The following POLR3D variants were observed in gnomAD, a reference collection of about 807,000 sequenced individuals.
POLR3D encodes the protein DNA-directed RNA polymerase III subunit RPC4.
In POLR3D, 42 loss-of-function variants were observed where a neutral mutation model predicts 44.5. The ratio of observed to expected loss-of-function variants is 0.94; its 90% CI spans 0.74 to 1.22. POLR3D has a LOEUF of 1.22. Ranked by LOEUF, POLR3D falls within the 50% of genes most tolerant of loss-of-function variation. The pLI, the probability that POLR3D is intolerant of heterozygous loss-of-function variation, is 0.00. For missense variants in POLR3D, 507 were observed against 505.2 expected (o/e 1.00, Z -0.03); for synonymous variants, 217 against 198.1 (o/e 1.10, Z -0.80).
intron 2 of POLR3D, among the ~76,000 whole-genome samples, chr8:22,246,571 G>A (rs578181724): frequency 1.8e-4 from 28 of 152,038 alleles, no homozygotes; most frequent in African/African-American, 6.8e-4. Context: ...TCAGCCTCCC[G>A]AGTAGCTGGG....
intron 7 of POLR3D, 48 bp downstream of exon 7, chr8:22,249,357 G>A (rs1398239671): frequency 1.3e-6 from 2 of 1,595,542 alleles, no homozygotes; most frequent in East Asian, 2.2e-5. Context: ...GACTGGGACG[G>A]GAAGTGGTGA....
At position 22,251,525 on chromosome 8, in the gene POLR3D, A is replaced by T. The variant is rs1051498873; in HGVS notation, c.*1007A>T. 6.5e-6 allele frequency: 1 copy of T among 153,746 alleles called. No homozygotes were observed. Among genetic ancestry groups the T allele is most frequent in the South Asian group, 2.1e-4 (1 of 4,830 alleles). 9.5% of individuals were successfully genotyped at this position (153,746 alleles called of 1,614,324 possible). ...TGAGCCGAAGTCATATATTGCTAACAAAAAAACTAAATCCTTCATAAGAGA... is the reference window on the plus strand; with the variant it reads ...TGAGCCGAAGTCATATATTGCTAACTAAAAAACTAAATCCTTCATAAGAGA... On this transcript the variant is annotated 3_prime_UTR_variant, in exon 9 of 9. Coordinates refer to ENST00000306433, the MANE Select transcript of POLR3D (RefSeq NM_001722.3).
Position 22,252,834 on chromosome 8 carries a change from T to G in POLR3D, c.*2316T>G, listed in dbSNP as rs534588804. ...CTAACTACATGTTTAAGTGGCAGAG[T>G]CCAGGCTGTCGAGTCACGGTTGGGT... On this transcript the variant is annotated 3_prime_UTR_variant, in exon 9 of 9. Coordinates refer to ENST00000306433, the MANE Select transcript of POLR3D (RefSeq NM_001722.3). 2 of 152,284 alleles carry G rather than the reference T, an allele frequency of 1.3e-5. No individual in the cohort carries two copies. Among genetic ancestry groups the G allele is most frequent in the Non-Finnish European group, 2.9e-5 (2 of 68,026 alleles). 9.4% of individuals were successfully genotyped at this position (152,284 alleles called of 1,614,324 possible). A position where few individuals can be genotyped will look rare whatever the true frequency, so the allele number is the denominator to read the frequency against.
At position 22,247,242 on chromosome 8, in the gene POLR3D, A is replaced by G; in HGVS notation, c.187A>G (p.Ile63Val). The part of the protein sequence containing the change: ...VKKKTFTPNI[I>V]SRKIKEEPKE... ...TCAGAAAACCTTCACCCCAAATATC[A>G]TCAGTCGGAAGATCAAGGAAGAGTA... The change falls in exon 3 of 9, where the codon ATC becomes GTC. Residue 63 changes from isoleucine (I) to valine (V), a missense_variant. By Grantham distance (29) the Ile-to-Val change is conservative. Coordinates refer to ENST00000306433, the MANE Select transcript of POLR3D (RefSeq NM_001722.3). 6.2e-7 allele frequency: 1 copy of G among 1,613,542 alleles called. No homozygotes were observed. The highest frequency in any genetic ancestry group is 8.5e-7 in the Non-Finnish European group (1 of 1,179,484).
chr8:22,252,441 T>A lies in POLR3D; in HGVS notation c.*1923T>A, dbSNP rs1830112743. On this transcript the variant is annotated 3_prime_UTR_variant, in exon 9 of 9. Transcript: ENST00000306433. ...AGATATTGGGTATTTTTCAATCTTC[T>A]GTTTTCTGACCCTTCCAAGAAAGTT... 6.6e-6 allele frequency: 1 copy of A among 152,340 alleles called. No individual in the cohort carries two copies. Among genetic ancestry groups the A allele is most frequent in the South Asian group, 2.1e-4 (1 of 4,830 alleles). 9.4% of individuals were successfully genotyped at this position (152,340 alleles called of 1,614,324 possible). A position where few individuals can be genotyped will look rare whatever the true frequency, so the allele number is the denominator to read the frequency against.
chr8:22,245,487 C>T lies in POLR3D; in HGVS notation c.38C>T (p.Pro13Leu), dbSNP rs1830029518. 3.1e-6 allele frequency: 4 copies of T among 1,306,322 alleles called. No individual in the cohort carries two copies. Among genetic ancestry groups the T allele is most frequent in the African/African-American group, 1.5e-5 (1 of 66,220 alleles). The allele number at this position is 1,306,322 out of a possible 1,614,324, so 80.9% of individuals were successfully genotyped here. A position where few individuals can be genotyped will look rare whatever the true frequency, so the allele number is the denominator to read the frequency against. Residue 13 changes from proline to leucine, a missense_variant, in exon 2 of 9, where the codon CCG becomes CTG. Physicochemically the swap from Pro to Leu is moderately conservative, Grantham distance 98. Coordinates refer to ENST00000306433, the MANE Select transcript of POLR3D (RefSeq NM_001722.3). ...AACGCCGCCGGCGAGCCCAGCACGC[C>T]GGGAGGGCCCCGACCTCTCCTGACT... ...EGNAAGEPST[P>L]GGPRPLLTGA...
chr8:22,247,144 C>G (rs1830051901), intron 2 of POLR3D, 77 bp from the exon 3 acceptor site: 2 of 1,139,358 alleles, frequency 1.8e-6, no homozygotes, highest in Admixed American at 3.7e-5. Flanking sequence ...AGAAGATGCC[C>G]TTTGGGAATT....
Position 22,250,622 on chromosome 8 carries a change from C to T in POLR3D, c.*104C>T. The T allele has an allele frequency of 7.1e-7, 1 of 1,408,554 alleles. No homozygotes were observed. Among genetic ancestry groups the T allele is most frequent in the South Asian group, 1.2e-5 (1 of 80,278 alleles). The allele number at this position is 1,408,554 out of a possible 1,614,324, so 87.3% of individuals were successfully genotyped here. ...ACCCAGAAGGGGCCCACTGAGCCCA[C>T]TCACTCCAGCCTTTGGCAACCATTG... On this transcript the variant is annotated 3_prime_UTR_variant, in exon 9 of 9. Coordinates refer to ENST00000306433, the MANE Select transcript of POLR3D (RefSeq NM_001722.3).
rs1347585039 is a variant in POLR3D, at chr8:22,254,214, G to C, written c.*3696G>C. 1 of 152,108 alleles carries C rather than the reference G, an allele frequency of 6.6e-6. No homozygotes were observed. Among genetic ancestry groups the C allele is most frequent in the Non-Finnish European group, 1.5e-5 (1 of 68,024 alleles). 9.4% of individuals were successfully genotyped at this position (152,108 alleles called of 1,614,324 possible). On this transcript the variant is annotated 3_prime_UTR_variant, in exon 9 of 9. Coordinates refer to ENST00000306433, the MANE Select transcript of POLR3D (RefSeq NM_001722.3). The stretch of plus-strand genomic sequence containing the variant: ...ATTTGATTTTCTGTTTCCGAGGTTA[G>C]GATAATTACCTCAAGCTCCATCCAT...
intron 6 of POLR3D, 128 bp from the exon 7 acceptor site, chr8:22,248,916 A>T: frequency 9.3e-7 from 1 of 1,076,436 alleles, no homozygotes. Context: ...GCCCCTCTGT[A>T]TAACTGGTGC....
At chr8:22,247,177 G>A (rs939642260) in intron 2 of POLR3D, 44 bp from the exon 3 acceptor site, 14 of 1,492,142 alleles carry the variant, frequency 9.4e-6, no homozygotes, top group Non-Finnish European at 1.3e-5. Flanking sequence ...TGTACTTTGG[G>A]GTCAGAACCT....
rs1830111029 is a variant in POLR3D at position 22,252,205 on chromosome 8, G to C, written c.*1687G>C. ...TGGGCTCTTCTCACTGTAGAGGACT[G>C]GAGCAGAAAGGGTTCCTTGGAAACC... On this transcript the variant is annotated 3_prime_UTR_variant, in exon 9 of 9. Transcript: ENST00000306433. 1 of 153,788 alleles carries C rather than the reference G, an allele frequency of 6.5e-6. No homozygotes were observed. The highest frequency in any genetic ancestry group is 1.5e-5 in the Non-Finnish European group (1 of 68,058). The allele number at this position is 153,788 out of a possible 1,614,324, so 9.5% of individuals were successfully genotyped here.
At chr8:22,246,856 G>T (rs1340859415) in intron 2 of POLR3D, among the ~76,000 whole-genome samples, 1 of 152,234 alleles carries the variant, frequency 6.6e-6, no homozygotes, top group Non-Finnish European at 1.5e-5. Flanking sequence ...AGGCCTTGCT[G>T]CTAGAGCTGT....
At position 22,253,814 on chromosome 8, in the gene POLR3D, T is replaced by A. The variant is rs1160177723; in HGVS notation, c.*3296T>A. The A allele has an allele frequency of 6.6e-6, 1 of 152,234 alleles. No homozygotes were observed. Among genetic ancestry groups the A allele is most frequent in the Non-Finnish European group, 1.5e-5 (1 of 68,072 alleles). 9.4% of individuals were successfully genotyped at this position (152,234 alleles called of 1,614,324 possible). The stretch of plus-strand genomic sequence containing the variant: ...CCTCAGCCCCCCAGATAGCTGGGAT[T>A]ACAGGCACATGCCACCACACCTGGC... On this transcript the variant is annotated 3_prime_UTR_variant, in exon 9 of 9. Coordinates refer to ENST00000306433, the MANE Select transcript of POLR3D (RefSeq NM_001722.3).
intron 3 of POLR3D, 68 bp from the exon 4 acceptor site, chr8:22,247,789 G>C: frequency 6.7e-7 from 1 of 1,491,482 alleles, no homozygotes; most frequent in Middle Eastern, 1.9e-4. Flanking sequence ...AAGTGGTATG[G>C]GAGAGTAAGG....
intron 1 of POLR3D, 96 bp downstream of exon 1, chr8:22,245,279 G>A (rs1189877613): frequency 7.2e-6 from 4 of 557,020 alleles, no homozygotes; most frequent in Non-Finnish European, 1.3e-5. Flanking sequence ...GCGAGCCAAA[G>A]GCTCTCACCT....
Position 22,250,056 on chromosome 8 carries a change from C to T in POLR3D, c.922-19C>T, listed in dbSNP as rs1830087330. On this transcript the variant is annotated intron_variant, in intron 7 of 8. Transcript: ENST00000306433. ...AAAGAGCTCCTAGCCCAGTGTCCAT[C>T]CTCTGGTTTTCTCCGCAGGAAGCCA... The T allele has an allele frequency of 1.2e-6, 2 of 1,613,610 alleles. No homozygotes were observed. The highest frequency in any genetic ancestry group is 8.5e-7 in the Non-Finnish European group (1 of 1,179,702).
chr8:22,249,317 C>A lies in POLR3D; in HGVS notation c.921+8C>A. The A allele has an allele frequency of 1.2e-6, 2 of 1,611,766 alleles. No homozygotes were observed. Among genetic ancestry groups the A allele is most frequent in the South Asian group, 1.1e-5 (1 of 91,016 alleles). On this transcript the variant is annotated splice_region_variant and intron_variant, in intron 7 of 8. Coordinates refer to ENST00000306433, the MANE Select transcript of POLR3D (RefSeq NM_001722.3). ...AAGCAGGAGAAAGACCGAGTACGCT[C>A]AGACAGAGGCCTGCGGGAATCAAGT...
At position 22,247,980 on chromosome 8, in the gene POLR3D, G is replaced by A; in HGVS notation, c.333G>A (p.Gln111=). 6.2e-7 allele frequency: 1 copy of A among 1,614,028 alleles called. No individual in the cohort carries two copies. The highest frequency in any genetic ancestry group is 8.5e-7 in the Non-Finnish European group (1 of 1,179,974). ...EVIQSHSIFE[Q]GPAEMMKKKG... ...TCCAGTCTCACTCCATCTTTGAGCA[G>A]GGCCCAGCTGAAATGATGAAGAAAA... Residue 111 remains glutamine, a synonymous_variant, in exon 4 of 9, where the codon CAG becomes CAA. Coordinates refer to ENST00000306433, the MANE Select transcript of POLR3D (RefSeq NM_001722.3).
Sources: gnomAD v4.1 joint callset for allele counts (sites outside exome capture counted in the v4.1 genomes callset) on GRCh38, gnomAD v4.1.1 for gene constraint, MANE v1.5 for transcripts, NCBI Gene and HGNC (gene_info 2026-07-23, HGNC 2026-07-21) for gene names.